Variants in KLHL29 observed in about 807,000 individuals in gnomAD.
KLHL29 encodes kelch-like protein 29.
A neutral mutation model predicts 80.4 loss-of-function variants in KLHL29; 21 were observed. The observed-to-expected ratio is 0.26, with a 90% CI of 0.19 to 0.38. The LOEUF (loss-of-function observed/expected upper bound fraction) is 0.38, where lower values mean the gene tolerates loss of function less well. Among genes scored for constraint, KLHL29 ranks in the 10% least tolerant of loss-of-function variants. The pLI, the probability that KLHL29 is intolerant of heterozygous loss-of-function variation, is 1.00. For synonymous variants in KLHL29, 511 were observed against 526.8 expected (o/e 0.97, Z 0.41); for missense variants, 867 against 1,223.9 (o/e 0.71, Z 4.35).
At chr2:23,556,214 C>T (rs1456879165) in intron 2 of KLHL29, among the ~76,000 whole-genome samples, 1 of 152,166 alleles carries the variant, frequency 6.6e-6, no homozygotes, top group Non-Finnish European at 1.5e-5. Flanking sequence ...GTGCAGTGTC[C>T]AGGCTCCAGA....
At chr2:23,648,748 G>C (rs1407903228) in intron 5 of KLHL29, among the ~76,000 whole-genome samples, 1 of 152,208 alleles carries the variant, frequency 6.6e-6, no homozygotes, top group Non-Finnish European at 1.5e-5. Flanking sequence ...GGCTCCTCCA[G>C]ACCAAACAGC....
intron 1 of KLHL29, among the ~76,000 whole-genome samples, chr2:23,426,653 A>G (rs1663012374): frequency 6.6e-6 from 1 of 152,198 alleles, no homozygotes; most frequent in Admixed American, 6.5e-5. Context: ...CATCTGAGTC[A>G]CGTCTCTAAA....
rs566424639 is a variant in KLHL29 at position 23,657,345 on chromosome 2, GC to G, written c.940+14497del. Among the ~76,000 whole-genome samples the G allele has an allele frequency of 3.3e-3, 507 of 152,228 alleles. 1 individual carries two copies. The highest frequency in any genetic ancestry group is 6.2e-3 in the Non-Finnish European group (420 of 68,012). ...AAAAGGTCACAGTCCTTTTATTCTT[GC>G]CTCTTTTCACTTCTTTACTGTTCTT... On this transcript the variant is annotated intron_variant, in intron 5 of 13. Transcript: ENST00000486442.
intron 2 of KLHL29, among the ~76,000 whole-genome samples, chr2:23,481,643 C>T (rs951425778): frequency 4.6e-5 from 7 of 152,002 alleles, no homozygotes; most frequent in Non-Finnish European, 1.0e-4. Context: ...GGGCTGAGAG[C>T]GGTGGCTGAC....
chr2:23,433,786 G>A (rs183942122), intron 1 of KLHL29, among the ~76,000 whole-genome samples: 115 of 152,234 alleles, frequency 7.6e-4, no homozygotes, highest in African/African-American at 2.7e-3. Flanking sequence ...GGGCATGGTG[G>A]TGCACACCTG....
chr2:23,468,916 C>T (rs1239452726), intron 1 of KLHL29, among the ~76,000 whole-genome samples: 4 of 152,288 alleles, frequency 2.6e-5, no homozygotes, highest in African/African-American at 4.8e-5. Flanking sequence ...TTCCTGGGTG[C>T]GAGTTTCTGT....
intron 2 of KLHL29, chr2:23,524,478 C>T (rs920570841): frequency 1.3e-5 from 2 of 159,912 alleles, no homozygotes; most frequent in Non-Finnish European, 2.8e-5. Flanking sequence ...GCGGCTCGCG[C>T]GTGCACTGGT....
intron 2 of KLHL29, among the ~76,000 whole-genome samples, chr2:23,540,194 C>T (rs1200262796): frequency 6.6e-6 from 1 of 152,234 alleles, no homozygotes; most frequent in African/African-American, 2.4e-5. Flanking sequence ...CTGCCCAGCC[C>T]CCCAGAAGTG....
chr2:23,599,464 A>C (rs1244423777), intron 3 of KLHL29, among the ~76,000 whole-genome samples: 1 of 151,744 alleles, frequency 6.6e-6, no homozygotes, highest in Non-Finnish European at 1.5e-5. Context: ...CTTTGAATAG[A>C]TATTTTAAAA....
intron 1 of KLHL29, among the ~76,000 whole-genome samples, chr2:23,444,747 A>T (rs187438899): frequency 6.6e-6 from 1 of 152,324 alleles, no homozygotes; most frequent in African/African-American, 2.4e-5. Context: ...TAAAACTACC[A>T]AGTGAAGCTT....
chr2:23,516,124 C>G (rs1437001441), intron 2 of KLHL29, among the ~76,000 whole-genome samples: 2 of 152,184 alleles, frequency 1.3e-5, no homozygotes, highest in Non-Finnish European at 2.9e-5. Flanking sequence ...ACTTGAGTTT[C>G]AGTGAGAACT....
intron 11 of KLHL29, among the ~76,000 whole-genome samples, chr2:23,701,979 ATTTTTT>A (rs70941587): frequency 6.9e-6 from 1 of 144,578 alleles, no homozygotes; most frequent in Non-Finnish European, 1.5e-5. Context: ...TGCCCAGCTA[ATTTTTT>A]TTTTTTTTTG....
At chr2:23,550,269 G>A (rs1038848907) in intron 2 of KLHL29, among the ~76,000 whole-genome samples, 7 of 152,146 alleles carry the variant, frequency 4.6e-5, no homozygotes, top group African/African-American at 1.4e-4. Context: ...TGCTTGAGAG[G>A]GAAAGGGGGG....
In KLHL29 at chr2:23,562,588, C is replaced by A. The variant is rs1667479286; in HGVS notation, c.285+107C>A. The A allele has an allele frequency of 7.1e-6, 8 of 1,126,352 alleles. No individual in the cohort carries two copies. In the African/African-American group the frequency reaches 9.5e-5, roughly 13 times the overall value. The allele number at this position is 1,126,352 out of a possible 1,614,324, so 69.8% of individuals were successfully genotyped here. The stretch of plus-strand genomic sequence containing the variant: ...CCTGTGGGGCAGCCTGTGCTCCACG[C>A]CCCGAGTCCTCCAGAGTCTTGTCCT... On this transcript the variant is annotated intron_variant, in intron 3 of 13. Coordinates refer to ENST00000486442, the MANE Select transcript of KLHL29 (RefSeq NM_052920.2). This position sits in a 1 kb window ranked among gnomAD's most constrained non-coding sequence, Gnocchi z 4.5.
chr2:23,567,298 T>C (rs1416419786), intron 3 of KLHL29, among the ~76,000 whole-genome samples: 1 of 152,250 alleles, frequency 6.6e-6, no homozygotes, highest in East Asian at 1.9e-4. Context: ...TGAAATGTAC[T>C]GGGAGCTTTT....
intron 1 of KLHL29, among the ~76,000 whole-genome samples, chr2:23,459,419 C>T (rs570783768): frequency 6.6e-6 from 1 of 152,100 alleles, no homozygotes; most frequent in Non-Finnish European, 1.5e-5. Flanking sequence ...ATTAGATCAT[C>T]CAGGGGAAGA....
intron 2 of KLHL29, among the ~76,000 whole-genome samples, chr2:23,541,802 C>T (rs1033183777): frequency 6.8e-6 from 1 of 147,220 alleles, no homozygotes; most frequent in African/African-American, 2.7e-5. Context: ...AACTGGTGCT[C>T]CCAGTGGACA....
rs969817262 is a variant in KLHL29 at position 23,385,236 on chromosome 2, C to G, written c.-698C>G. 1 of 148,210 alleles carries G rather than the reference C, an allele frequency of 6.7e-6. No individual in the cohort carries two copies. Among genetic ancestry groups the G allele is most frequent in the African/African-American group, 2.5e-5 (1 of 40,638 alleles). The allele number at this position is 148,210 out of a possible 1,614,324, so 9.2% of individuals were successfully genotyped here. A position where few individuals can be genotyped will look rare whatever the true frequency, so the allele number is the denominator to read the frequency against. ...GAGCATGGTCCCCGCGCCGCGGCCGCGCCAGCCCCCGCGCCGCCGCCGCCG... is the reference window on the plus strand; with the variant it reads ...GAGCATGGTCCCCGCGCCGCGGCCGGGCCAGCCCCCGCGCCGCCGCCGCCG... On this transcript the variant is annotated 5_prime_UTR_variant, in exon 1 of 14. Coordinates refer to ENST00000486442, the MANE Select transcript of KLHL29 (RefSeq NM_052920.2).
intron 5 of KLHL29, among the ~76,000 whole-genome samples, chr2:23,675,881 C>T (rs1670905623): frequency 6.6e-6 from 1 of 152,154 alleles, no homozygotes; most frequent in Non-Finnish European, 1.5e-5. Context: ...CAGTGGATCA[C>T]ATTTGGGGGA....
Sources: allele counts gnomAD v4.1 joint callset (sites outside exome capture counted in the v4.1 genomes callset), GRCh38; gene constraint gnomAD v4.1.1; non-coding constraint Gnocchi (gnomAD v3.1); transcripts MANE v1.5; gene names NCBI Gene and HGNC (gene_info 2026-07-23, HGNC 2026-07-21).